Variants in SNX25 observed in about 807,000 individuals in gnomAD.
SNX25 encodes sorting nexin-25.
In SNX25, 62 loss-of-function variants were observed where a neutral mutation model predicts 113.7. The observed-to-expected ratio is 0.55, with a 90% CI of 0.44 to 0.67. SNX25 has a LOEUF of 0.67. SNX25 is among the 30% of genes least tolerant of loss of function. The pLI is 0.00. For synonymous variants in SNX25, 421 were observed against 436.2 expected (o/e 0.97, Z 0.43); for missense variants, 1,014 against 1,161.0 (o/e 0.87, Z 1.84).
At chr4:185,373,698 T>A (rs573587329), downstream of SNX25, among the ~76,000 whole-genome samples, 1 of 152,322 alleles carries the variant, frequency 6.6e-6, no homozygotes, top group South Asian at 2.1e-4. Flanking sequence ...TTCCTTCTCC[T>A]TATAGGATTT....
chr4:185,231,579 T>C (rs3108274), intron 1 of SNX25, among the ~76,000 whole-genome samples: 78,105 of 151,358 alleles, frequency 0.52, 21,599 homozygotes, highest in East Asian at 0.62. Context: ...GGCTTGATGG[T>C]GGGCGCCTGT....
intron 5 of SNX25, among the ~76,000 whole-genome samples, chr4:185,277,445 T>G (rs540276392): frequency 5.9e-4 from 90 of 152,288 alleles, no homozygotes; most frequent in Middle Eastern, 3.4e-3. Context: ...GCTGGTCGTT[T>G]TCAACAACTG....
At chr4:185,362,538 A>G in intron 17 of SNX25, 73 bp from the exon 18 acceptor site, 2 of 1,422,576 alleles carry the variant, frequency 1.4e-6, no homozygotes, top group Non-Finnish European at 2.0e-6. Context: ...ATAATGTTGT[A>G]TTCCTTTCAC....
chr4:185,280,913 G>T (rs915343157), intron 5 of SNX25, among the ~76,000 whole-genome samples: 4 of 152,174 alleles, frequency 2.6e-5, no homozygotes, highest in Non-Finnish European at 2.9e-5. Flanking sequence ...TATCTATCTT[G>T]CAGCTTTCAG....
chr4:185,297,326 G>A (rs1752976134), intron 6 of SNX25, among the ~76,000 whole-genome samples: 1 of 152,148 alleles, frequency 6.6e-6, no homozygotes. Context: ...CATTACAGAG[G>A]TTATGTTGGG....
intron 4 of SNX25, among the ~76,000 whole-genome samples, chr4:185,264,967 A>G (rs1747841037): frequency 6.6e-6 from 1 of 151,686 alleles, no homozygotes; most frequent in South Asian, 2.1e-4. Flanking sequence ...GTATGTTTAT[A>G]TATTACGTGT....
At position 185,232,717 on chromosome 4, in the gene SNX25, C is replaced by T. The variant is rs1742050540; in HGVS notation, c.430-14577C>T. ...TTACAGGACAGCTTTAAAGCAGGGG[C>T]AGCTCTTCTGGTTCCTTCAGCATTT... On this transcript the variant is annotated intron_variant, in intron 1 of 18. Transcript: ENST00000652585. The surrounding 1 kb of genome is among the most constrained non-coding windows in gnomAD (Gnocchi z 4.4). 6.6e-6 allele frequency among the ~76,000 whole-genome samples: 1 copy of T among 152,228 alleles called. No homozygotes were observed.
intron 10 of SNX25, among the ~76,000 whole-genome samples, chr4:185,337,936 C>T (rs542999179): frequency 2.6e-5 from 4 of 152,040 alleles, no homozygotes; most frequent in Non-Finnish European, 5.9e-5. Flanking sequence ...GGTGAGCATC[C>T]TTTCATGTCC....
At position 185,234,791 on chromosome 4, in the gene SNX25, CCTT is replaced by C. The variant is rs1742374930; in HGVS notation, c.430-12498_430-12496del. Among the ~76,000 whole-genome samples, 4 of 152,064 alleles carry C rather than the reference CCTT, an allele frequency of 2.6e-5. No homozygotes were observed. The South Asian group carries it at 8.3e-4, about 32-fold the overall frequency. On this transcript the variant is annotated intron_variant, in intron 1 of 18. Transcript: ENST00000652585. ...TAAAGCACTTTTATGTGCATATTAT[CCTT>C]CTTCAAATGCATAATAATTCATTAA...
chr4:185,308,030 A>G (rs1434909597), intron 6 of SNX25, among the ~76,000 whole-genome samples: 2 of 152,192 alleles, frequency 1.3e-5, no homozygotes, highest in Non-Finnish European at 1.5e-5. Flanking sequence ...AAGTGCTGGC[A>G]TTACAGGTGG....
At chr4:185,288,245 T>C (rs1751619041) in intron 6 of SNX25, among the ~76,000 whole-genome samples, 163 bp downstream of exon 6, 1 of 152,202 alleles carries the variant, frequency 6.6e-6, no homozygotes, top group Non-Finnish European at 1.5e-5. Flanking sequence ...GAGAAGTAAA[T>C]ATAATTTCAT....
At chr4:185,273,049 C>T (rs907416422) in intron 5 of SNX25, among the ~76,000 whole-genome samples, 2 of 152,102 alleles carry the variant, frequency 1.3e-5, no homozygotes, top group African/African-American at 2.4e-5. Flanking sequence ...AAAATGCTTC[C>T]GGACATTGCC....
At chr4:185,206,235 CG>C (rs1560882426), upstream of SNX25, among the ~76,000 whole-genome samples, 1 of 152,070 alleles carries the variant, frequency 6.6e-6, no homozygotes, top group African/African-American at 2.4e-5. Context: ...AGCCAAAAGG[CG>C]GAAAAAACTC....
At position 185,330,068 on chromosome 4, in the gene SNX25, C is replaced by A. The variant is rs144784800; in HGVS notation, c.1750-2527C>A. On this transcript the variant is annotated intron_variant, in intron 9 of 18. Transcript: ENST00000652585. ...CAAAAAGTGGCTCAATAGTCAAAGACAGGTTTATTTTGGAGAATAAACCTG... is the reference window on the plus strand; with the variant it reads ...CAAAAAGTGGCTCAATAGTCAAAGAAAGGTTTATTTTGGAGAATAAACCTG... Among the ~76,000 whole-genome samples the A allele has an allele frequency of 3.9e-5, 6 of 152,250 alleles. No homozygotes were observed. In the East Asian group the frequency reaches 1.2e-3, roughly 29 times the overall value.
chr4:185,212,221 G>A (rs887233016), intron 1 of SNX25, among the ~76,000 whole-genome samples: 3 of 151,638 alleles, frequency 2.0e-5, no homozygotes, highest in African/African-American at 7.3e-5. Context: ...CAAATGATCC[G>A]CCCTCCTCAG....
chr4:185,370,609 G>A (rs765148349), downstream of SNX25: 1 of 1,602,322 alleles, frequency 6.2e-7, no homozygotes, highest in South Asian at 1.1e-5. Flanking sequence ...GTTTCTCTTT[G>A]GGTGAATTTA....
chr4:185,273,186 T>C (rs1488544907), intron 5 of SNX25, among the ~76,000 whole-genome samples: 2 of 152,202 alleles, frequency 1.3e-5, no homozygotes, highest in East Asian at 3.8e-4. Context: ...TCCCAAATAA[T>C]GATGGCATCC....
At chr4:185,243,932 C>T (rs1383192195) in intron 1 of SNX25, among the ~76,000 whole-genome samples, 1 of 152,216 alleles carries the variant, frequency 6.6e-6, no homozygotes, top group East Asian at 1.9e-4. Context: ...CATGTACTGT[C>T]AGTCATATTC....
chr4:185,239,375 C>G (rs918944787), intron 1 of SNX25, among the ~76,000 whole-genome samples: 1 of 151,994 alleles, frequency 6.6e-6, no homozygotes, highest in Admixed American at 6.6e-5. Context: ...CCCAGCTACT[C>G]GGGAGGCTGA....
Sources: gnomAD v4.1 joint callset for allele counts (sites outside exome capture counted in the v4.1 genomes callset) on GRCh38, gnomAD v4.1.1 for gene constraint, Gnocchi (gnomAD v3.1) non-coding constraint, MANE v1.5 for transcripts, NCBI Gene and HGNC (gene_info 2026-07-23, HGNC 2026-07-21) for gene names.